Variants in PHYKPL observed in about 807,000 individuals in gnomAD.
PHYKPL encodes the protein 5-phosphohydroxy-L-lysine phospho-lyase.
PHYKPL carries 42 observed loss-of-function variants against 51.3 expected under a neutral mutation model. The ratio of observed to expected loss-of-function variants is 0.82; its 90% CI spans 0.64 to 1.06. PHYKPL has a LOEUF of 1.06. Ranked by LOEUF, PHYKPL falls within the 50% of genes least tolerant of loss-of-function variation. The probability of loss-of-function intolerance (pLI) is 0.00; values close to 1 mark genes in which losing one functional copy is unlikely to be tolerated. For synonymous variants in PHYKPL, 264 were observed against 236.0 expected (o/e 1.12, Z -1.09); for missense variants, 655 against 586.6 (o/e 1.12, Z -1.20).
At chr5:178,211,787 AAAAAAAAGTCTT>A (rs1420071057) in intron 12 of PHYKPL, 91 bp downstream of exon 12, 2 of 728,150 alleles carry the variant, frequency 2.7e-6, no homozygotes, top group African/African-American at 1.8e-5. Context: ...CAGTCAGAAC[AAAAAAAAGTCTT>A]AAAAAAAGGC....
chr5:178,218,423 T>G (rs1760404910), intron 8 of PHYKPL, among the ~76,000 whole-genome samples: 1 of 152,098 alleles, frequency 6.6e-6, no homozygotes, highest in African/African-American at 2.4e-5. Flanking sequence ...ACCTCCAATG[T>G]GATGGTATTA....
chr5:178,232,129 G>A, intron 1 of PHYKPL: 1 of 1,192,268 alleles, frequency 8.4e-7, no homozygotes, highest in Non-Finnish European at 1.1e-6. Context: ...TGCTGCTGAC[G>A]GGCCACCCTG....
At chr5:178,220,458 G>A (rs1479371624) in intron 8 of PHYKPL, among the ~76,000 whole-genome samples, 5 of 151,886 alleles carry the variant, frequency 3.3e-5, no homozygotes, top group Non-Finnish European at 5.9e-5. Context: ...TCGCGCCACA[G>A]CACTCCAGCC....
At chr5:178,232,133 C>A in intron 1 of PHYKPL, 1 of 1,195,080 alleles carries the variant, frequency 8.4e-7, no homozygotes, top group Non-Finnish European at 1.1e-6. Context: ...GCTGACGGGC[C>A]ACCCTGGGTG....
chr5:178,209,544 G>A (rs1381468560), intron 12 of PHYKPL: 2 of 1,054,752 alleles, frequency 1.9e-6, no homozygotes, highest in African/African-American at 1.6e-5. Flanking sequence ...TGCAGCAGGG[G>A]TGGGCAGATT....
chr5:178,216,040 CT>C (rs1759710495), intron 8 of PHYKPL: 1 of 152,166 alleles, frequency 6.6e-6, no homozygotes, highest in South Asian at 2.1e-4. Context: ...TATATATAAA[CT>C]GTGTTTAAAG....
chr5:178,222,324 G>A, intron 8 of PHYKPL, 31 bp downstream of exon 8: 1 of 1,581,844 alleles, frequency 6.3e-7, no homozygotes. Context: ...CAGAACCCAT[G>A]TTGCTCCCTT....
At chr5:178,232,307 C>G in intron 1 of PHYKPL, 185 bp downstream of exon 1, 1 of 1,263,860 alleles carries the variant, frequency 7.9e-7, no homozygotes, top group Non-Finnish European at 9.9e-7. Context: ...CCGGGACTGC[C>G]CAACGGCGCC....
Position 178,210,826 on chromosome 5 carries a change from G to A in PHYKPL, c.*31+1064C>T, listed in dbSNP as rs572538601. The A allele has an allele frequency of 5.0e-4, 298 of 595,076 alleles. 1 individual carries two copies. Among genetic ancestry groups the A allele is most frequent in the Middle Eastern group, 3.6e-3 (8 of 2,214 alleles). The allele number at this position is 595,076 out of a possible 1,614,324, so 36.9% of individuals were successfully genotyped here. ...TTTAGGCAGCGTGTGGTGTCTGAGA[G>A]GCCATAGCGCCATCATGGGCTGATT... On this transcript the variant is annotated intron_variant, in intron 12 of 12. Transcript: ENST00000308158.
In PHYKPL at chr5:178,222,364, G is replaced by A; in HGVS notation, c.918C>T (p.Tyr306=). 4 of 1,611,746 alleles carry A rather than the reference G, an allele frequency of 2.5e-6. No homozygotes were observed. The highest frequency in any genetic ancestry group is 3.4e-6 in the Non-Finnish European group (4 of 1,178,048). ...TAGAGCCATCACTCACCGTGTTGAAGTACTCAACGCCGGTGGCTTCAAATG... is the reference window on the plus strand; with the variant it reads ...TAGAGCCATCACTCACCGTGTTGAAATACTCAACGCCGGTGGCTTCAAATG... ...ARAFEATGVE[Y]FNTFGGSPVS... Residue 306 remains tyrosine (Y), a synonymous_variant, in exon 8 of 13, where the codon TAC becomes TAT. Transcript: ENST00000308158.
chr5:178,224,355 TTC>T lies in PHYKPL; in HGVS notation c.618+91_618+92del, dbSNP rs1029673971. 3.0e-5 allele frequency: 41 copies of T among 1,351,164 alleles called. No homozygotes were observed. The African/African-American group carries it at 4.7e-4, about 16-fold the overall frequency. The allele number at this position is 1,351,164 out of a possible 1,614,324, so 83.7% of individuals were successfully genotyped here. A position where few individuals can be genotyped will look rare whatever the true frequency, so the allele number is the denominator to read the frequency against. ...CTGGAGGGCAGGGCCTCGTTTGGTT[TTC>T]TCTCTGGGTTCCCAGCATCTAGCAC... On this transcript the variant is annotated intron_variant, in intron 6 of 12. Coordinates refer to ENST00000308158, the MANE Select transcript of PHYKPL (RefSeq NM_153373.4).
intron 8 of PHYKPL, 28 bp downstream of exon 8, chr5:178,222,327 G>A (rs759543269): frequency 2.5e-6 from 4 of 1,584,350 alleles, no homozygotes; most frequent in Non-Finnish European, 3.4e-6. Flanking sequence ...AACCCATGTT[G>A]CTCCCTTGAC....
intron 12 of PHYKPL, chr5:178,210,524 G>C: frequency 1.2e-6 from 2 of 1,607,760 alleles, no homozygotes; most frequent in Non-Finnish European, 1.7e-6. Flanking sequence ...CTTGTAAATA[G>C]TAGCTGCTAT....
intron 8 of PHYKPL, among the ~76,000 whole-genome samples, chr5:178,218,773 C>A (rs1296328702): frequency 6.6e-6 from 1 of 152,178 alleles, no homozygotes; most frequent in Non-Finnish European, 1.5e-5. Context: ...ACACAAGGCC[C>A]AGATGGCTTT....
At chr5:178,232,202 C>A in intron 1 of PHYKPL, 1 of 1,251,522 alleles carries the variant, frequency 8.0e-7, no homozygotes, top group Non-Finnish European at 1.0e-6. Flanking sequence ...CCAAGCGAGG[C>A]TGACACAGCC....
rs754892833 is a variant in PHYKPL, at chr5:178,224,457, C to G, written c.609G>C (p.Lys203Asn). 6.3e-7 allele frequency: 1 copy of G among 1,583,410 alleles called. No individual in the cohort carries two copies. ...VKRVVSSAQE[K>N]GRKIAAFFAE... ...GCGCGGACACGGTTACCTTCCTGCC[C>G]TTCTCCTGTGCACTGCTGACCACAC... The change falls in exon 6 of 13, where the codon AAG becomes AAC. Residue 203 changes from lysine to asparagine, a missense_variant. Lys to Asn is a moderately conservative substitution (Grantham distance 94). Coordinates refer to ENST00000308158, the MANE Select transcript of PHYKPL (RefSeq NM_153373.4).
chr5:178,210,228 A>C (rs758451196), intron 12 of PHYKPL: 2 of 1,613,186 alleles, frequency 1.2e-6, no homozygotes, highest in Non-Finnish European at 1.7e-6. Flanking sequence ...GGCTACGACT[A>C]CTCGCCCTAT....
intron 8 of PHYKPL, among the ~76,000 whole-genome samples, chr5:178,217,284 G>A (rs1469521747): frequency 1.3e-5 from 2 of 150,356 alleles, no homozygotes; most frequent in Non-Finnish European, 2.9e-5. Flanking sequence ...GCAGTGGTGC[G>A]ATCTCAGCAA....
Position 178,211,672 on chromosome 5 carries a change from G to A in PHYKPL, c.*31+218C>T, listed in dbSNP as rs897347056. The A allele has an allele frequency of 1.7e-5, 9 of 542,534 alleles. No homozygotes were observed. The African/African-American group carries it at 1.7e-4, about 10-fold the overall frequency. 33.6% of individuals were successfully genotyped at this position (542,534 alleles called of 1,614,324 possible). On this transcript the variant is annotated intron_variant, in intron 12 of 12. Transcript: ENST00000308158. ...TGGGTTGGGGTTCCACGTGGATACA[G>A]CCCCATAGGTTTCAAGGGAGGATAT...
Sources: gnomAD v4.1 joint callset for allele counts (sites outside exome capture counted in the v4.1 genomes callset) on GRCh38, gnomAD v4.1.1 for gene constraint, MANE v1.5 for transcripts, NCBI Gene and HGNC (gene_info 2026-07-23, HGNC 2026-07-21) for gene names.